ANTXR2: variants seen among roughly 807,000 people sequenced by gnomAD.
The protein encoded by ANTXR2 is ANTXR cell adhesion molecule 2.
In ANTXR2, 44 loss-of-function variants were observed where a neutral mutation model predicts 73.7. That is an observed-to-expected ratio of 0.60 (90% CI 0.47 to 0.77). The LOEUF (loss-of-function observed/expected upper bound fraction) is 0.77. ANTXR2 is among the 30% of genes least tolerant of loss of function. The probability of loss-of-function intolerance (pLI) is 0.00; values close to 1 mark genes in which losing one functional copy is unlikely to be tolerated. For missense variants in ANTXR2, 604 were observed against 592.5 expected (o/e 1.02, Z -0.20); for synonymous variants, 217 against 205.9 (o/e 1.05, Z -0.46).
chr4:79,985,479 A>T (rs1730102221), intron 12 of ANTXR2, among the ~76,000 whole-genome samples: 1 of 152,232 alleles, frequency 6.6e-6, no homozygotes, highest in South Asian at 2.1e-4. Context: ...GTTGAGGAAC[A>T]CTGCTGTCAG....
At chr4:80,031,055 A>G (rs569108503) in intron 10 of ANTXR2, among the ~76,000 whole-genome samples, 78 of 152,120 alleles carry the variant, frequency 5.1e-4, no homozygotes, top group Admixed American at 1.1e-3. Context: ...TTTTTAGCAG[A>G]TATCGTGGTT....
chr4:80,006,725 T>C (rs972004018), intron 12 of ANTXR2, among the ~76,000 whole-genome samples: 5 of 152,090 alleles, frequency 3.3e-5, no homozygotes, highest in African/African-American at 1.2e-4. Flanking sequence ...CTCTCCTTAA[T>C]ATCCAAAATG....
At chr4:80,030,250 C>A (rs962393718) in intron 10 of ANTXR2, among the ~76,000 whole-genome samples, 3 of 151,844 alleles carry the variant, frequency 2.0e-5, no homozygotes, top group Non-Finnish European at 4.4e-5. Flanking sequence ...ACCTGAACAA[C>A]AAAAATGATG....
At chr4:80,027,903 T>C (rs1473327648) in intron 10 of ANTXR2, among the ~76,000 whole-genome samples, 1 of 152,178 alleles carries the variant, frequency 6.6e-6, no homozygotes, top group Non-Finnish European at 1.5e-5. Flanking sequence ...TGCCCTGGAT[T>C]AGGGAACATC....
chr4:80,032,927 A>C (rs1428693915), intron 9 of ANTXR2, among the ~76,000 whole-genome samples: 1 of 146,200 alleles, frequency 6.8e-6, no homozygotes, highest in East Asian at 1.9e-4. Flanking sequence ...AGATGCAAAA[A>C]TCTATAAGGC....
At chr4:79,953,150 C>T (rs529425927) in intron 16 of ANTXR2, among the ~76,000 whole-genome samples, 1 of 152,234 alleles carries the variant, frequency 6.6e-6, no homozygotes, top group Admixed American at 6.5e-5. Context: ...GTTCCCAGTA[C>T]TCACACACTA....
At chr4:80,010,139 C>A (rs1731501858) in intron 11 of ANTXR2, among the ~76,000 whole-genome samples, 1 of 151,746 alleles carries the variant, frequency 6.6e-6, no homozygotes. Context: ...AATTTTCAGG[C>A]AAATACCTAA....
At chr4:79,976,297 GAC>G (rs1282782107) in intron 16 of ANTXR2, among the ~76,000 whole-genome samples, 3 of 152,186 alleles carry the variant, frequency 2.0e-5, no homozygotes, top group African/African-American at 7.2e-5. Context: ...TGATCATGTT[GAC>G]ACACAGTGAA....
chr4:79,907,423 T>G lies in ANTXR2; in HGVS notation c.*6A>C, dbSNP rs1381205225. ...TTCGTACCTTCTTGGTCTTCCTGCT[T>G]CCCTTTTACTGAGATGGAACTCGGG... is the stretch of plus-strand genomic sequence containing the variant. On this transcript the variant is annotated 3_prime_UTR_variant, in exon 17 of 17. Coordinates refer to ENST00000403729, the MANE Select transcript of ANTXR2 (RefSeq NM_058172.6). The G allele has an allele frequency of 1.9e-6, 3 of 1,612,162 alleles. No homozygotes were observed. In the African/African-American group the frequency reaches 4.0e-5, roughly 22 times the overall value.
At chr4:79,930,200 G>A (rs888235691) in intron 16 of ANTXR2, among the ~76,000 whole-genome samples, 2 of 151,880 alleles carry the variant, frequency 1.3e-5, no homozygotes, top group African/African-American at 4.8e-5. Flanking sequence ...ACAGAAAAAA[G>A]CCTACCTTTA....
At chr4:80,060,114 T>C (rs545146446) in intron 3 of ANTXR2, among the ~76,000 whole-genome samples, 28 of 150,746 alleles carry the variant, frequency 1.9e-4, no homozygotes, top group South Asian at 8.4e-4. Flanking sequence ...ATCTGTTGTA[T>C]GTGAACACCG....
rs775397282 is a variant in ANTXR2 at position 80,036,050 on chromosome 4, A to G, written c.637-18T>C. ...GCTAGTATCTAAAAAAGAAAAAAAA[A>G]AAAGATTACCAAGCTATAGATCTAA... On this transcript the variant is annotated intron_variant, in intron 7 of 16. Coordinates refer to ENST00000403729, the MANE Select transcript of ANTXR2 (RefSeq NM_058172.6). 28 of 1,491,230 alleles carry G rather than the reference A, an allele frequency of 1.9e-5. No homozygotes were observed. The Admixed American group carries it at 3.1e-4, about 17-fold the overall frequency. 92.4% of individuals were successfully genotyped at this position (1,491,230 alleles called of 1,614,324 possible).
intron 16 of ANTXR2, among the ~76,000 whole-genome samples, chr4:79,921,661 G>A (rs1390329189): frequency 1.3e-5 from 2 of 151,984 alleles, no homozygotes; most frequent in Non-Finnish European, 2.9e-5. Flanking sequence ...ATTACTTTCT[G>A]AAAGCTTACG....
intron 16 of ANTXR2, among the ~76,000 whole-genome samples, chr4:79,935,427 A>G (rs971386647): frequency 6.6e-6 from 1 of 152,040 alleles, no homozygotes; most frequent in African/African-American, 2.4e-5. Flanking sequence ...CACAATACGA[A>G]AATAAATTAG....
At chr4:79,943,804 G>T (rs1461092555) in intron 16 of ANTXR2, among the ~76,000 whole-genome samples, 2 of 151,726 alleles carry the variant, frequency 1.3e-5, no homozygotes, top group Non-Finnish European at 2.9e-5. Context: ...GCAAAAACAA[G>T]AAATATTTTG....
At chr4:80,036,165 T>C (rs1341846713) in intron 7 of ANTXR2, 133 bp from the exon 8 acceptor site, 1 of 716,788 alleles carries the variant, frequency 1.4e-6, no homozygotes, top group East Asian at 3.0e-5. Flanking sequence ...CTATTAACTA[T>C]AGCGTGTACA....
At position 79,978,224 on chromosome 4, in the gene ANTXR2, G is replaced by T. The variant is rs1225212864; in HGVS notation, c.1180-50C>A. 3.2e-6 allele frequency: 5 copies of T among 1,560,328 alleles called. No homozygotes were observed. The South Asian group carries it at 4.7e-5, about 15-fold the overall frequency. ...TTATCAGACATAAAGTGTCCTAGAG[G>T]AACAGGCTCTTATTGAGCCTATGGT... is the stretch of plus-strand genomic sequence containing the variant. On this transcript the variant is annotated intron_variant, in intron 14 of 16. Coordinates refer to ENST00000403729, the MANE Select transcript of ANTXR2 (RefSeq NM_058172.6).
intron 16 of ANTXR2, among the ~76,000 whole-genome samples, chr4:79,958,268 C>T (rs1728999133): frequency 6.6e-6 from 1 of 152,048 alleles, no homozygotes. Context: ...AACTGCCCTA[C>T]AGTAACTGTC....
rs71662888 is a variant in ANTXR2, at chr4:79,993,760, G to GCGCGCGCGCGCACACACACA, written c.1042-8898_1042-8897insTGTGTGTGTGCGCGCGCGCG. 2.8e-4 allele frequency among the ~76,000 whole-genome samples: 39 copies of GCGCGCGCGCGCACACACACA among 140,770 alleles called. No individual in the cohort carries two copies. In the South Asian group the frequency reaches 4.3e-3, roughly 16 times the overall value. 92.4% of individuals were successfully genotyped at this position (140,770 alleles called of 152,430 possible). On this transcript the variant is annotated intron_variant, in intron 12 of 16. Coordinates refer to ENST00000403729, the MANE Select transcript of ANTXR2 (RefSeq NM_058172.6). Reference sequence around the variant, plus strand: ...GGCAATACACCACACACACACACACGCACACACACACACACACACACACAT... The same window carrying GCGCGCGCGCGCACACACACA: ...GGCAATACACCACACACACACACACGCGCGCGCGCGCACACACACACACACACACACACACACACACACAT...
Sources: allele counts gnomAD v4.1 joint callset (sites outside exome capture counted in the v4.1 genomes callset), GRCh38; gene constraint gnomAD v4.1.1; transcripts MANE v1.5; gene names NCBI Gene and HGNC (gene_info 2026-07-23, HGNC 2026-07-21).